Variants in ZCCHC4 observed in about 807,000 individuals in gnomAD.
ZCCHC4 encodes the protein zinc finger CCHC-type containing 4.
Under a neutral mutation model 67.7 loss-of-function variants are expected in ZCCHC4, and 54 were observed. That is an observed-to-expected ratio of 0.80 (90% CI 0.64 to 1.00). The LOEUF is 1.00. Ranked by LOEUF, ZCCHC4 falls within the 50% of genes least tolerant of loss-of-function variation. The pLI is 0.00. For missense variants in ZCCHC4, 609 were observed against 617.0 expected, an observed-to-expected ratio of 0.99 and a Z score of 0.14; for synonymous variants, 198 against 213.5, an observed-to-expected ratio of 0.93 and a Z score of 0.63.
intron 3 of ZCCHC4, among the ~76,000 whole-genome samples, chr4:25,329,030 T>C (rs1017748291): frequency 2.6e-5 from 4 of 151,842 alleles, no homozygotes; most frequent in Non-Finnish European, 2.9e-5. Context: ...CTACAAAAAA[T>C]ACAAAAATTA....
chr4:25,362,912 C>T (rs1465959181), intron 10 of ZCCHC4, among the ~76,000 whole-genome samples: 1 of 152,026 alleles, frequency 6.6e-6, no homozygotes, highest in Non-Finnish European at 1.5e-5. Context: ...TACAGAGATT[C>T]CCCCTATGTC....
intron 3 of ZCCHC4, among the ~76,000 whole-genome samples, chr4:25,321,964 CT>C (rs566940674): frequency 6.6e-6 from 1 of 152,192 alleles, no homozygotes; most frequent in Non-Finnish European, 1.5e-5. Flanking sequence ...CAACACTTGC[CT>C]GAAGACATGA....
At chr4:25,341,169 A>G (rs573128681) in intron 5 of ZCCHC4, among the ~76,000 whole-genome samples, 5 of 152,312 alleles carry the variant, frequency 3.3e-5, no homozygotes, top group Non-Finnish European at 7.4e-5. Flanking sequence ...TATATAAAAC[A>G]TACACAAAAT....
chr4:25,324,014 G>GGTTTTTTTTTTTTTTTTTTTTTTTTTT (rs777768505), intron 3 of ZCCHC4, among the ~76,000 whole-genome samples: 1 of 82,448 alleles, frequency 1.2e-5, no homozygotes, highest in African/African-American at 5.2e-5. Context: ...TGTTTTTTGT[G>GGTTTTTTTTTTTTTTTTTTTTTTTTTT]TTTTTTTTTT....
chr4:25,357,934 C>G (rs923186373), intron 8 of ZCCHC4, among the ~76,000 whole-genome samples: 1 of 152,086 alleles, frequency 6.6e-6, no homozygotes, highest in African/African-American at 2.4e-5. Context: ...TAATGAGATC[C>G]CAGGTGACAC....
chr4:25,325,990 C>T (rs537217232), intron 3 of ZCCHC4, among the ~76,000 whole-genome samples: 1 of 152,304 alleles, frequency 6.6e-6, no homozygotes, highest in African/African-American at 2.4e-5. Context: ...ATTGATTTGG[C>T]ACCTGCATTA....
At position 25,312,910 on chromosome 4, in the gene ZCCHC4, C is replaced by T. The variant is rs200069247; in HGVS notation, c.101C>T (p.Ala34Val). 4 of 1,612,556 alleles carry T rather than the reference C, an allele frequency of 2.5e-6. No individual in the cohort carries two copies. The African/African-American group carries it at 4.0e-5, about 16-fold the overall frequency. Residue 34 changes from alanine (A) to valine (V), a missense_variant, in exon 1 of 13, where the codon GCC becomes GTC. Ala to Val is a moderately conservative substitution (Grantham distance 64, BLOSUM62 0). Coordinates refer to ENST00000302874, the MANE Select transcript of ZCCHC4 (RefSeq NM_024936.3). ...GMEVVLPLDPAVPAPLCPHGP... is the reference protein window; with the variant it reads ...GMEVVLPLDPVVPAPLCPHGP... ...GAGGTGGTGCTTCCTTTGGATCCTG[C>T]CGTCCCCGCCCCGCTGTGCCCTCAC...
chr4:25,333,065 T>G (rs767176446), intron 3 of ZCCHC4, 118 bp from the exon 4 acceptor site: 3 of 989,632 alleles, frequency 3.0e-6, no homozygotes, highest in Non-Finnish European at 4.3e-6. Context: ...CTTTTCTTCT[T>G]TACGCAGTAC....
chr4:25,330,956 T>C (rs536144479), intron 3 of ZCCHC4, among the ~76,000 whole-genome samples: 63 of 152,290 alleles, frequency 4.1e-4, no homozygotes, highest in Non-Finnish European at 7.5e-4. Flanking sequence ...TTTTTCTCTC[T>C]CTCTCAGTGT....
intron 3 of ZCCHC4, among the ~76,000 whole-genome samples, chr4:25,317,506 G>A (rs1373559597): frequency 1.3e-5 from 2 of 151,992 alleles, no homozygotes; most frequent in East Asian, 3.9e-4. Context: ...GAGGTCAGGA[G>A]TTCGAGACCA....
rs559806537 is a variant in ZCCHC4 at position 25,351,656 on chromosome 4, G to GT, written c.984dup (p.Pro329SerfsTer13). On this transcript the variant is annotated frameshift_variant, in exon 8 of 13. Transcript: ENST00000302874. LOFTEE classifies it high-confidence loss of function. ...ATTTTTTTGAATCCCGAATTTGTCA[G>GT]TTTTTTCCAAGCTTCCAGATGCTGG... The GT allele has an allele frequency of 1.9e-6, 3 of 1,612,236 alleles. No homozygotes were observed. Among genetic ancestry groups the GT allele is most frequent in the South Asian group, 2.2e-5 (2 of 90,852 alleles).
intron 5 of ZCCHC4, among the ~76,000 whole-genome samples, chr4:25,339,983 C>T (rs1719657512): frequency 6.6e-6 from 1 of 152,072 alleles, no homozygotes; most frequent in Non-Finnish European, 1.5e-5. Flanking sequence ...ATTCTCCTGC[C>T]TCAGCCTCCC....
rs71188998 is a variant in ZCCHC4, at chr4:25,324,014, G to GTTTTTTT, written c.329+8624_329+8630dup. Among the ~76,000 whole-genome samples the GTTTTTTT allele has an allele frequency of 8.5e-5, 7 of 82,430 alleles. No homozygotes were observed. In the East Asian group the frequency reaches 1.4e-3, roughly 17 times the overall value. The allele number at this position is 82,430 out of a possible 152,430, so 54.1% of individuals were successfully genotyped here. On this transcript the variant is annotated intron_variant, in intron 3 of 12. Coordinates refer to ENST00000302874, the MANE Select transcript of ZCCHC4 (RefSeq NM_024936.3). ...TCGTACAGTATGTACTGTTTTTTGT[G>GTTTTTTT]TTTTTTTTTTTTTTTTGAGACAGAG...
chr4:25,352,250 C>T (rs1227653158), intron 8 of ZCCHC4: 37 of 985,220 alleles, frequency 3.8e-5, no homozygotes, highest in Non-Finnish European at 4.0e-5. Context: ...ATGGAATTTT[C>T]CCCCTGCCTG....
chr4:25,344,806 CT>C lies in ZCCHC4; in HGVS notation c.687-728del, dbSNP rs35047070. 5.8e-3 allele frequency among the ~76,000 whole-genome samples: 814 copies of C among 141,474 alleles called. 5 individuals carry two copies. Among genetic ancestry groups the C allele is most frequent in the African/African-American group, 0.014 (557 of 39,074 alleles). 92.8% of individuals were successfully genotyped at this position (141,474 alleles called of 152,430 possible). ...TAGACAAAAAAAAAAATTTGTATTACTTTTTTTTTTTTTTGAGACAAGGTCT... is the reference window on the plus strand; with the variant it reads ...TAGACAAAAAAAAAAATTTGTATTACTTTTTTTTTTTTTGAGACAAGGTCT... On this transcript the variant is annotated intron_variant, in intron 5 of 12. Coordinates refer to ENST00000302874, the MANE Select transcript of ZCCHC4 (RefSeq NM_024936.3).
rs1264841740 is a variant in ZCCHC4, at chr4:25,369,191, G to T, written c.*27G>T. 1.9e-6 allele frequency: 3 copies of T among 1,604,982 alleles called. No homozygotes were observed. The South Asian group carries it at 3.4e-5, about 18-fold the overall frequency. On this transcript the variant is annotated 3_prime_UTR_variant, in exon 13 of 13. Coordinates refer to ENST00000302874, the MANE Select transcript of ZCCHC4 (RefSeq NM_024936.3). Reference sequence around the variant, plus strand: ...TGTCCAGTGACTGGAGAATAAGAAAGATTTATGGTCCAACCTTTGATGCCA... The same window carrying T: ...TGTCCAGTGACTGGAGAATAAGAAATATTTATGGTCCAACCTTTGATGCCA...
intron 5 of ZCCHC4, among the ~76,000 whole-genome samples, chr4:25,334,626 A>G (rs1419087712): frequency 2.6e-5 from 4 of 152,216 alleles, no homozygotes; most frequent in Non-Finnish European, 5.9e-5. Flanking sequence ...AACTTATAAC[A>G]TGGATGGTAA....
intron 7 of ZCCHC4, among the ~76,000 whole-genome samples, chr4:25,350,122 G>T (rs941740169): frequency 2.0e-5 from 3 of 152,058 alleles, no homozygotes; most frequent in Non-Finnish European, 4.4e-5. Context: ...GAGTTTGGAG[G>T]TTAGACATCC....
chr4:25,337,351 CTG>C (rs2109068866), intron 5 of ZCCHC4, among the ~76,000 whole-genome samples: 1 of 152,310 alleles, frequency 6.6e-6, no homozygotes, highest in African/African-American at 2.4e-5. Flanking sequence ...CTGTCTTTCT[CTG>C]TGTATTGATT....
Sources: allele counts gnomAD v4.1 joint callset (sites outside exome capture counted in the v4.1 genomes callset), GRCh38; gene constraint gnomAD v4.1.1; transcripts MANE v1.5; gene names NCBI Gene and HGNC (gene_info 2026-07-23, HGNC 2026-07-21).